RNGTT: variants seen among roughly 807,000 people sequenced by gnomAD.
RNGTT encodes the protein RNA guanylyltransferase and 5'-phosphatase, also known as mRNA-capping enzyme.
A neutral mutation model predicts 79.3 loss-of-function variants in RNGTT; 33 were observed. The ratio of observed to expected loss-of-function variants is 0.42; its 90% CI spans 0.32 to 0.56. RNGTT has a LOEUF of 0.56. Ranked by LOEUF, RNGTT falls within the 20% of genes least tolerant of loss-of-function variation. RNGTT has a pLI of 0.17. For synonymous variants in RNGTT, 222 were observed against 235.9 expected, an observed-to-expected ratio of 0.94 and a Z score of 0.54; for missense variants, 497 against 739.1, an observed-to-expected ratio of 0.67 and a Z score of 3.80.
At chr6:88,854,489 T>C (rs570741699) in intron 8 of RNGTT, among the ~76,000 whole-genome samples, 126 of 152,252 alleles carry the variant, frequency 8.3e-4, no homozygotes, top group East Asian at 1.7e-3. Flanking sequence ...CACTTCAAAA[T>C]AGAAAAAAGC....
At position 88,945,830 on chromosome 6, in the gene RNGTT, G is replaced by A. The variant is rs1784990953; in HGVS notation, c.65-4650C>T. Among the ~76,000 whole-genome samples the A allele has an allele frequency of 3.3e-5, 5 of 152,170 alleles. No homozygotes were observed. The South Asian group carries it at 1.0e-3, about 31-fold the overall frequency. ...AGCCTGGCCATAAAACCCCCTGAGAGATCACCCATGCCTGCTCCTCCCCTT... is the reference window on the plus strand; with the variant it reads ...AGCCTGGCCATAAAACCCCCTGAGAAATCACCCATGCCTGCTCCTCCCCTT... On this transcript the variant is annotated intron_variant, in intron 1 of 15. Coordinates refer to ENST00000369485, the MANE Select transcript of RNGTT (RefSeq NM_003800.5).
intron 2 of RNGTT, among the ~76,000 whole-genome samples, chr6:88,938,794 A>G (rs939765822): frequency 2.7e-4 from 41 of 152,204 alleles, no homozygotes; most frequent in African/African-American, 9.2e-4. Context: ...CATTTCTTAC[A>G]GGACCAGTCC....
intron 8 of RNGTT, among the ~76,000 whole-genome samples, chr6:88,855,467 TG>T (rs1187131539): frequency 6.6e-6 from 1 of 151,384 alleles, no homozygotes; most frequent in African/African-American, 2.4e-5. Context: ...TGAAGTATGT[TG>T]TTCTTTGCTG....
intron 13 of RNGTT, among the ~76,000 whole-genome samples, chr6:88,759,855 AT>A (rs1347054061): frequency 1.4e-5 from 2 of 146,114 alleles, no homozygotes; most frequent in Non-Finnish European, 3.0e-5. Context: ...AAGTTACTTC[AT>A]TTTCCCCCCC....
At chr6:88,885,095 T>C (rs1782813748) in intron 8 of RNGTT, among the ~76,000 whole-genome samples, 1 of 151,944 alleles carries the variant, frequency 6.6e-6, no homozygotes, top group East Asian at 1.9e-4. Context: ...GAAATAGATA[T>C]AGGTGTGTAT....
At chr6:88,714,763 C>T (rs1016621811) in intron 13 of RNGTT, among the ~76,000 whole-genome samples, 1 of 152,006 alleles carries the variant, frequency 6.6e-6, no homozygotes, top group Non-Finnish European at 1.5e-5. Context: ...TTTAAAAGTA[C>T]TTTTAAAAAT....
intron 6 of RNGTT, among the ~76,000 whole-genome samples, chr6:88,894,219 G>T (rs936719967): frequency 6.6e-6 from 1 of 152,150 alleles, no homozygotes; most frequent in Non-Finnish European, 1.5e-5. Flanking sequence ...TTTTTAACCA[G>T]TGTTAGAAAA....
At chr6:88,957,799 T>G (rs533903237) in intron 1 of RNGTT, among the ~76,000 whole-genome samples, 1 of 152,166 alleles carries the variant, frequency 6.6e-6, no homozygotes, top group Non-Finnish European at 1.5e-5. Flanking sequence ...AAAATGATCA[T>G]ACTGCCAAAA....
At chr6:88,626,198 G>A (rs905799521) in intron 14 of RNGTT, among the ~76,000 whole-genome samples, 1 of 151,986 alleles carries the variant, frequency 6.6e-6, no homozygotes, top group Non-Finnish European at 1.5e-5. Context: ...ATCTGTACAA[G>A]AGTCCAGTGA....
At chr6:88,962,249 A>G (rs969539696) in intron 1 of RNGTT, among the ~76,000 whole-genome samples, 5 of 152,216 alleles carry the variant, frequency 3.3e-5, no homozygotes, top group Admixed American at 2.0e-4. Context: ...GTGTATATAC[A>G]GTCAAAATTT....
At chr6:88,945,962 C>G (rs141837810) in intron 1 of RNGTT, among the ~76,000 whole-genome samples, 2 of 152,322 alleles carry the variant, frequency 1.3e-5, no homozygotes, top group African/African-American at 4.8e-5. Flanking sequence ...TTGCCTGATA[C>G]AACACATTCC....
At chr6:88,667,516 G>A (rs1774461556) in intron 14 of RNGTT, among the ~76,000 whole-genome samples, 1 of 152,196 alleles carries the variant, frequency 6.6e-6, no homozygotes, top group Non-Finnish European at 1.5e-5. Flanking sequence ...TCTCCAAGTA[G>A]ACTTCACCGA....
rs531746742 is a variant in RNGTT, at chr6:88,670,550, A to C, written c.1506+7803T>G. Among the ~76,000 whole-genome samples, 20 of 152,328 alleles carry C rather than the reference A, an allele frequency of 1.3e-4. 1 individual carries two copies. The highest frequency in any genetic ancestry group is 4.8e-4 in the African/African-American group (20 of 41,572). The stretch of plus-strand genomic sequence containing the variant: ...ATTGTCTCCTGTTTCATGAGAAAGC[A>C]AAAAGTTAAAAAAAGAAGCAGAAGT... On this transcript the variant is annotated intron_variant, in intron 14 of 15. Coordinates refer to ENST00000369485, the MANE Select transcript of RNGTT (RefSeq NM_003800.5).
intron 6 of RNGTT, among the ~76,000 whole-genome samples, chr6:88,898,559 T>C (rs1464881762): frequency 6.6e-6 from 1 of 151,768 alleles, no homozygotes; most frequent in East Asian, 1.9e-4. Flanking sequence ...CTATTTGCTT[T>C]CTCAAATAGA....
intron 11 of RNGTT, among the ~76,000 whole-genome samples, chr6:88,834,844 C>T (rs1200983135): frequency 3.4e-5 from 3 of 88,246 alleles, no homozygotes; most frequent in Admixed American, 9.8e-5. Flanking sequence ...AATCTGAATG[C>T]CAAATGAAAT....
chr6:88,940,235 T>C (rs1784805384), intron 2 of RNGTT, among the ~76,000 whole-genome samples: 1 of 152,000 alleles, frequency 6.6e-6, no homozygotes, highest in African/African-American at 2.4e-5. Flanking sequence ...CACACCACAA[T>C]GCCTGGCTAA....
In RNGTT at chr6:88,853,763, A is replaced by G; in HGVS notation, c.898T>C (p.Tyr300His). 1 of 1,530,420 alleles carries G rather than the reference A, an allele frequency of 6.5e-7. No homozygotes were observed. The highest frequency in any genetic ancestry group is 1.4e-5 in the African/African-American group (1 of 71,556). 94.8% of individuals were successfully genotyped at this position (1,530,420 alleles called of 1,614,324 possible). A position where few individuals can be genotyped will look rare whatever the true frequency, so the allele number is the denominator to read the frequency against. ...KVSWKADGTR[Y>H]MMLIDGTNEV... ...TTTGTGCCATCAATCAACATCATGT[A>G]CCTGTAAATGAAACATTAAAAAGCT... Residue 300 changes from tyrosine (Y) to histidine (H), a missense_variant and splice_region_variant, in exon 9 of 16, where the codon TAC becomes CAC. Around this residue, in one of 3 missense-constraint regions of RNGTT, gnomAD observed 440 missense variants for 671.5 expected, o/e 0.66. Transcript: ENST00000369485.
intron 13 of RNGTT, among the ~76,000 whole-genome samples, chr6:88,718,005 T>C (rs1201844730): frequency 6.6e-6 from 1 of 152,154 alleles, no homozygotes; most frequent in Non-Finnish European, 1.5e-5. Flanking sequence ...TCTTCAATAG[T>C]AGCTGCTACT....
chr6:88,908,633 G>T (rs1783734221), intron 4 of RNGTT, among the ~76,000 whole-genome samples: 1 of 152,098 alleles, frequency 6.6e-6, no homozygotes, highest in South Asian at 2.1e-4. Context: ...GGTCCTCTGG[G>T]ATCCTAGCTA....
Sources: allele counts gnomAD v4.1 joint callset (sites outside exome capture counted in the v4.1 genomes callset), GRCh38; gene constraint gnomAD v4.1.1; regional missense constraint gnomAD v4.1.1; transcripts MANE v1.5; gene names NCBI Gene and HGNC (gene_info 2026-07-23, HGNC 2026-07-21).